AGBL1: variants seen among roughly 807,000 people sequenced by gnomAD.
The protein encoded by AGBL1 is cytosolic carboxypeptidase 4.
AGBL1 carries 130 observed loss-of-function variants against 118.9 expected under a neutral mutation model. The ratio of observed to expected loss-of-function variants is 1.09; its 90% confidence interval spans 0.95 to 1.26. The LOEUF is 1.26. AGBL1 is among the 50% of genes most tolerant of loss of function. AGBL1 has a pLI of 0.00. For synonymous variants in AGBL1, 555 were observed against 478.9 expected, an observed-to-expected ratio of 1.16 and a Z score of -2.08; for missense variants, 1,584 against 1,298.1, an observed-to-expected ratio of 1.22 and a Z score of -3.38.
At chr15:86,633,562 TTTTTA>T (rs2085014812) in intron 21 of AGBL1, among the ~76,000 whole-genome samples, 1 of 151,978 alleles carries the variant, frequency 6.6e-6, no homozygotes, top group African/African-American at 2.4e-5. Flanking sequence ...CTTAGCAGAA[TTTTTA>T]TTTTAAATTT....
At chr15:86,368,231 G>A (rs954961147) in intron 17 of AGBL1, among the ~76,000 whole-genome samples, 2 of 151,992 alleles carry the variant, frequency 1.3e-5, no homozygotes, top group South Asian at 2.1e-4. Context: ...CTGAAGGTGA[G>A]GGAAGACAAA....
chr15:86,625,654 T>C (rs766133747), intron 21 of AGBL1, among the ~76,000 whole-genome samples: 1 of 152,100 alleles, frequency 6.6e-6, no homozygotes, highest in East Asian at 1.9e-4. Flanking sequence ...AGCTAAGGGA[T>C]ATTTGTGAAT....
At chr15:86,816,314 C>T (rs898554226) in intron 22 of AGBL1, among the ~76,000 whole-genome samples, 2 of 152,152 alleles carry the variant, frequency 1.3e-5, no homozygotes, top group African/African-American at 4.8e-5. Context: ...GGCAGGTGGC[C>T]AGCTGTGATA....
chr15:86,212,963 A>C (rs554399057), intron 5 of AGBL1, among the ~76,000 whole-genome samples: 2 of 152,208 alleles, frequency 1.3e-5, no homozygotes, highest in Non-Finnish European at 2.9e-5. Context: ...AGTTTTATTG[A>C]AGTCTTCCCA....
chr15:86,556,460 C>A (rs984334313), intron 21 of AGBL1, among the ~76,000 whole-genome samples: 1 of 152,304 alleles, frequency 6.6e-6, no homozygotes, highest in Non-Finnish European at 1.5e-5. Flanking sequence ...TATTAGTTTC[C>A]TCCTTCTCTT....
intron 23 of AGBL1, among the ~76,000 whole-genome samples, chr15:86,977,185 T>G (rs1418638353): frequency 6.6e-6 from 1 of 151,998 alleles, no homozygotes; most frequent in Non-Finnish European, 1.5e-5. Flanking sequence ...AATTTTCATT[T>G]GTTCCATCAA....
chr15:86,719,812 G>A (rs1430507754), intron 22 of AGBL1, among the ~76,000 whole-genome samples: 2 of 152,298 alleles, frequency 1.3e-5, no homozygotes, highest in African/African-American at 4.8e-5. Context: ...ATTTATTTCT[G>A]TTAGATGGAA....
At chr15:86,793,955 C>T (rs1034838302) in intron 22 of AGBL1, among the ~76,000 whole-genome samples, 2 of 152,130 alleles carry the variant, frequency 1.3e-5, no homozygotes, top group Admixed American at 6.5e-5. Flanking sequence ...AAGTAACCAG[C>T]GTTGGTGAGG....
chr15:86,204,492 C>T (rs529258712), intron 5 of AGBL1, among the ~76,000 whole-genome samples: 5 of 123,840 alleles, frequency 4.0e-5, no homozygotes, highest in South Asian at 2.5e-4. Flanking sequence ...CCTTTCCCTT[C>T]CCCTTCCCCT....
chr15:86,934,822 C>T (rs2141641751), intron 23 of AGBL1, among the ~76,000 whole-genome samples: 1 of 152,100 alleles, frequency 6.6e-6, no homozygotes, highest in South Asian at 2.1e-4. Flanking sequence ...TTCCCTTTTT[C>T]CATGGGCTGC....
At chr15:86,722,861 C>G (rs2086749648) in intron 22 of AGBL1, among the ~76,000 whole-genome samples, 1 of 152,148 alleles carries the variant, frequency 6.6e-6, no homozygotes, top group African/African-American at 2.4e-5. Flanking sequence ...ACAGACACTT[C>G]TCAAAAGAAG....
chr15:86,853,966 C>T (rs2079443310), intron 22 of AGBL1, among the ~76,000 whole-genome samples: 1 of 151,912 alleles, frequency 6.6e-6, no homozygotes, highest in South Asian at 2.1e-4. Flanking sequence ...GGGAAATGCT[C>T]GATACCCAAG....
At chr15:86,488,015 A>G (rs1450231205) in intron 18 of AGBL1, among the ~76,000 whole-genome samples, 3 of 152,166 alleles carry the variant, frequency 2.0e-5, no homozygotes, top group Admixed American at 6.5e-5. Context: ...CAATAAGAGC[A>G]CTAAACATCA....
At chr15:86,731,487 T>A (rs1199916013) in intron 22 of AGBL1, among the ~76,000 whole-genome samples, 1 of 152,236 alleles carries the variant, frequency 6.6e-6, no homozygotes, top group Non-Finnish European at 1.5e-5. Context: ...AGTGGGATTT[T>A]AGCTGACGGT....
chr15:86,978,626 G>T (rs1237664672), intron 23 of AGBL1, among the ~76,000 whole-genome samples: 1 of 152,150 alleles, frequency 6.6e-6, no homozygotes, highest in Admixed American at 6.5e-5. Context: ...AGGATCCCAG[G>T]TGAAGGAGTG....
intron 18 of AGBL1, among the ~76,000 whole-genome samples, chr15:86,418,001 A>G (rs1393441670): frequency 6.6e-6 from 1 of 152,168 alleles, no homozygotes; most frequent in East Asian, 1.9e-4. Flanking sequence ...ATCACTCTAT[A>G]GTTGATCTAG....
intron 22 of AGBL1, among the ~76,000 whole-genome samples, chr15:86,889,277 C>G (rs1390094679): frequency 7.3e-6 from 1 of 137,058 alleles, no homozygotes; most frequent in Non-Finnish European, 1.5e-5. Flanking sequence ...GAAAGTTTGA[C>G]CAAAAATTAA....
intron 19 of AGBL1, among the ~76,000 whole-genome samples, chr15:86,544,464 G>C (rs1012992013): frequency 3.9e-5 from 6 of 152,132 alleles, no homozygotes; most frequent in African/African-American, 1.2e-4. Context: ...AAAGACATAC[G>C]TGAGACTAGG....
intron 22 of AGBL1, among the ~76,000 whole-genome samples, chr15:86,715,583 A>G (rs1214429502): frequency 6.6e-6 from 1 of 152,100 alleles, no homozygotes; most frequent in African/African-American, 2.4e-5. Flanking sequence ...TGAAAACTGT[A>G]TTAAGCTTAT....
Sources: gnomAD v4.1 joint callset for allele counts (sites outside exome capture counted in the v4.1 genomes callset) on GRCh38, gnomAD v4.1.1 for gene constraint, MANE v1.5 for transcripts, NCBI Gene and HGNC (gene_info 2026-07-23, HGNC 2026-07-21) for gene names.